The following AKT3 variants were observed in gnomAD, a reference collection of about 807,000 sequenced individuals.
AKT3 encodes the protein AKT serine/threonine kinase 3, also known as RAC-gamma serine/threonine-protein kinase.
In AKT3, 15 loss-of-function variants were observed where a neutral mutation model predicts 65.3. The ratio of observed to expected loss-of-function variants is 0.23; its 90% CI spans 0.15 to 0.35. AKT3 has a LOEUF of 0.35. Among genes scored for constraint, AKT3 ranks in the 10% least tolerant of loss-of-function variants. The pLI, the probability that AKT3 is intolerant of heterozygous loss-of-function variation, is 1.00. For synonymous variants in AKT3, 206 were observed against 183.8 expected (o/e 1.12, Z -0.98); for missense variants, 243 against 576.5 (o/e 0.42, Z 5.92).
chr1:243,616,307 TAAAAAAAAAAAAA>T (rs57576796), intron 6 of AKT3, among the ~76,000 whole-genome samples: 1 of 66,754 alleles, frequency 1.5e-5, no homozygotes, highest in Admixed American at 2.5e-4. Context: ...GTGCTTTTCT[TAAAAAAAAAAAAA>T]AAAAAAAAAA....
rs1669192259 is a variant in AKT3 at position 243,500,607 on chromosome 1, A to ATGAC, written c.*4638_*4641dup. On this transcript the variant is annotated 3_prime_UTR_variant, in exon 14 of 14. Transcript: ENST00000673466. The stretch of plus-strand genomic sequence containing the variant: ...TGGACATACCGTGTTGTATCTGAGA[A>ATGAC]TGACAAACACTAAAGGCAAGGCTGC... 2 of 229,322 alleles carry ATGAC rather than the reference A, an allele frequency of 8.7e-6. No individual in the cohort carries two copies. The highest frequency in any genetic ancestry group is 1.8e-4 in the South Asian group (1 of 5,516). The allele number at this position is 229,322 out of a possible 1,614,324, so 14.2% of individuals were successfully genotyped here.
chr1:243,769,840 T>C (rs1409259960), intron 2 of AKT3, among the ~76,000 whole-genome samples: 1 of 152,232 alleles, frequency 6.6e-6, no homozygotes, highest in Admixed American at 6.5e-5. Context: ...ATACTTTCTT[T>C]TTCATTGACT....
At chr1:243,798,410 T>G (rs568687505) in intron 2 of AKT3, among the ~76,000 whole-genome samples, 2 of 135,372 alleles carry the variant, frequency 1.5e-5, no homozygotes, top group African/African-American at 2.7e-5. Flanking sequence ...TTTTTTTTTT[T>G]TTTTTTTGTT....
chr1:243,560,463 A>C (rs1242719926), intron 10 of AKT3, among the ~76,000 whole-genome samples: 1 of 152,136 alleles, frequency 6.6e-6, no homozygotes, highest in Non-Finnish European at 1.5e-5. Flanking sequence ...TATGTGACAC[A>C]ACATTTAAAA....
At chr1:243,772,078 T>C (rs1006118844) in intron 2 of AKT3, among the ~76,000 whole-genome samples, 20 of 152,088 alleles carry the variant, frequency 1.3e-4, no homozygotes, top group Admixed American at 1.3e-3. Flanking sequence ...CCTAAAACCA[T>C]AAAAACCCTA....
chr1:243,799,116 T>G (rs1692226454), intron 2 of AKT3, among the ~76,000 whole-genome samples: 1 of 152,162 alleles, frequency 6.6e-6, no homozygotes, highest in South Asian at 2.1e-4. Flanking sequence ...TTTACATCCT[T>G]GAGCTCTTTA....
At chr1:243,815,298 T>C (rs1693438865) in intron 2 of AKT3, among the ~76,000 whole-genome samples, 2 of 152,200 alleles carry the variant, frequency 1.3e-5, no homozygotes, top group Admixed American at 6.5e-5. Context: ...GATCACTTCA[T>C]TCATAGGTTA....
chr1:243,678,076 A>G (rs902448518), intron 3 of AKT3, among the ~76,000 whole-genome samples: 3 of 152,174 alleles, frequency 2.0e-5, no homozygotes, highest in African/African-American at 7.2e-5. Flanking sequence ...CAACAGAGCA[A>G]GACTCTTGTC....
intron 2 of AKT3, among the ~76,000 whole-genome samples, chr1:243,842,879 G>A (rs1367052878): frequency 2.0e-5 from 3 of 151,978 alleles, no homozygotes; most frequent in Non-Finnish European, 2.9e-5. Flanking sequence ...TCTGTAACAC[G>A]CTACACACAA....
intron 2 of AKT3, among the ~76,000 whole-genome samples, chr1:243,836,350 A>G (rs1694887309): frequency 2.0e-5 from 3 of 152,100 alleles, no homozygotes; most frequent in Admixed American, 2.0e-4. Context: ...TATAACAACA[A>G]AAAAGCCTCT....
intron 2 of AKT3, among the ~76,000 whole-genome samples, chr1:243,761,024 A>C (rs1358462949): frequency 6.6e-6 from 1 of 152,220 alleles, no homozygotes; most frequent in African/African-American, 2.4e-5. Flanking sequence ...TATTTCACCT[A>C]GAGCAATGGG....
chr1:243,630,559 AATTTGT>A (rs1679532869), intron 6 of AKT3, among the ~76,000 whole-genome samples: 1 of 152,164 alleles, frequency 6.6e-6, no homozygotes, highest in South Asian at 2.1e-4. Context: ...AATCCTCAGT[AATTTGT>A]ATTTCTGTCC....
At chr1:243,615,015 T>G (rs1678191237) in intron 7 of AKT3, 81 bp downstream of exon 7, 1 of 1,046,368 alleles carries the variant, frequency 9.6e-7, no homozygotes, top group Non-Finnish European at 1.4e-6. Flanking sequence ...ATGAATAGTA[T>G]TTTTCACAAT....
chr1:243,646,896 A>G (rs1281260222), intron 4 of AKT3, among the ~76,000 whole-genome samples: 3 of 152,224 alleles, frequency 2.0e-5, no homozygotes, highest in African/African-American at 7.2e-5. Context: ...GAGCATTTAT[A>G]TCAAGCATTT....
At chr1:243,848,312 G>A (rs1296204912) in intron 1 of AKT3, among the ~76,000 whole-genome samples, 1 of 152,098 alleles carries the variant, frequency 6.6e-6, no homozygotes, top group Non-Finnish European at 1.5e-5. Flanking sequence ...ATTACAGTCC[G>A]GATATATATC....
intron 2 of AKT3, among the ~76,000 whole-genome samples, chr1:243,725,413 T>C (rs1318384464): frequency 6.6e-6 from 1 of 152,078 alleles, no homozygotes; most frequent in African/African-American, 2.4e-5. Flanking sequence ...GGGGGCACTG[T>C]GCTATCTGCA....
chr1:243,713,643 C>T (rs1332444562), intron 2 of AKT3, among the ~76,000 whole-genome samples: 1 of 150,704 alleles, frequency 6.6e-6, no homozygotes, highest in East Asian at 1.9e-4. Context: ...CGAATATCTC[C>T]CCCTCCATCC....
chr1:243,498,301 A>G (rs1018718637), downstream of AKT3, among the ~76,000 whole-genome samples: 1 of 152,210 alleles, frequency 6.6e-6, no homozygotes, highest in African/African-American at 2.4e-5. Flanking sequence ...CCCCTCTGCA[A>G]TGGCAGGGCT....
intron 8 of AKT3, among the ~76,000 whole-genome samples, chr1:243,600,707 C>T (rs924630100): frequency 6.6e-6 from 1 of 152,098 alleles, no homozygotes; most frequent in Non-Finnish European, 1.5e-5. Flanking sequence ...ATTAACACTT[C>T]TAGAAGAAAG....
Sources: gnomAD v4.1 joint callset for allele counts (sites outside exome capture counted in the v4.1 genomes callset) on GRCh38, gnomAD v4.1.1 for gene constraint, MANE v1.5 for transcripts, NCBI Gene and HGNC (gene_info 2026-07-23, HGNC 2026-07-21) for gene names.